Variants in TMPRSS15 observed in about 807,000 individuals in gnomAD.
TMPRSS15 encodes transmembrane serine protease 15.
Under a neutral mutation model 125.3 loss-of-function variants are expected in TMPRSS15, and 128 were observed. The observed-to-expected ratio is 1.02, with a 90% confidence interval of 0.89 to 1.18. The LOEUF (loss-of-function observed/expected upper bound fraction) is 1.18. TMPRSS15 is among the 50% of genes most tolerant of loss of function. The pLI is 0.00. For missense variants in TMPRSS15, 1,283 were observed against 1,212.7 expected (o/e 1.06, Z -0.86); for synonymous variants, 446 against 423.2 (o/e 1.05, Z -0.66).
At chr21:18,464,090 A>G (rs1257550492) in intron 1 of TMPRSS15, among the ~76,000 whole-genome samples, 3 of 148,848 alleles carry the variant, frequency 2.0e-5, no homozygotes, top group African/African-American at 5.0e-5. Context: ...GGAGAATGGC[A>G]TGAACCCGGG....
chr21:18,414,600 T>C (rs1403257258), intron 1 of TMPRSS15, among the ~76,000 whole-genome samples: 1 of 152,228 alleles, frequency 6.6e-6, no homozygotes, highest in Non-Finnish European at 1.5e-5. Context: ...ATTAGAATCA[T>C]GAATTATTTT....
intron 16 of TMPRSS15, among the ~76,000 whole-genome samples, chr21:18,319,540 T>G (rs905542051): frequency 6.6e-6 from 1 of 150,740 alleles, no homozygotes; most frequent in Non-Finnish European, 1.5e-5. Flanking sequence ...GTGATTCTCC[T>G]GCCTCAGCCT....
intron 16 of TMPRSS15, among the ~76,000 whole-genome samples, chr21:18,318,496 A>G (rs998452980): frequency 6.6e-6 from 1 of 152,226 alleles, no homozygotes; most frequent in African/African-American, 2.4e-5. Context: ...AGTGGAAACT[A>G]AAACAAAGAC....
At chr21:18,472,716 T>C (rs958589669) in intron 1 of TMPRSS15, among the ~76,000 whole-genome samples, 3 of 151,708 alleles carry the variant, frequency 2.0e-5, no homozygotes, top group African/African-American at 7.3e-5. Flanking sequence ...AATAATACAT[T>C]AAAATTTTAA....
chr21:18,297,891 A>T, intron 18 of TMPRSS15, 62 bp from the exon 19 acceptor site: 1 of 1,298,918 alleles, frequency 7.7e-7, no homozygotes, highest in South Asian at 1.2e-5. Context: ...ACCATAAGTT[A>T]GACTTTCAGT....
intron 18 of TMPRSS15, among the ~76,000 whole-genome samples, chr21:18,310,930 A>ATTCT (rs746931250): frequency 1.3e-4 from 12 of 91,918 alleles, no homozygotes; most frequent in African/African-American, 4.6e-4. Context: ...CAGCCCACTG[A>ATTCT]TTCTTTTTTT....
At chr21:18,297,226 A>G (rs17002539) in intron 19 of TMPRSS15, among the ~76,000 whole-genome samples, 3,968 of 152,304 alleles carry the variant, frequency 0.026, 157 homozygotes, top group African/African-American at 0.089. Flanking sequence ...ATCAAAAAGT[A>G]AAAGAGAATA....
intron 1 of TMPRSS15, among the ~76,000 whole-genome samples, chr21:18,448,094 C>A (rs1447347680): frequency 2.0e-5 from 3 of 152,184 alleles, no homozygotes; most frequent in East Asian, 3.9e-4. Flanking sequence ...ACCATATGAT[C>A]CAGTAATACC....
At chr21:18,459,393 C>A (rs542130648) in intron 1 of TMPRSS15, among the ~76,000 whole-genome samples, 75 of 152,132 alleles carry the variant, frequency 4.9e-4, no homozygotes, top group African/African-American at 4.8e-4. Context: ...CATGACTCAG[C>A]CTCTCGAGTA....
At chr21:18,310,933 C>CTTTCTT (rs1161961094) in intron 18 of TMPRSS15, among the ~76,000 whole-genome samples, 2 of 136,872 alleles carry the variant, frequency 1.5e-5, no homozygotes, top group African/African-American at 2.8e-5. Flanking sequence ...CCCACTGATT[C>CTTTCTT]TTTTTTTTTT....
intron 5 of TMPRSS15, among the ~76,000 whole-genome samples, chr21:18,372,665 A>G (rs2075803599): frequency 6.6e-6 from 1 of 152,210 alleles, no homozygotes. Flanking sequence ...AAAGTAAGAT[A>G]AGCACTTAAA....
At chr21:18,445,756 C>T (rs961242894) in intron 1 of TMPRSS15, among the ~76,000 whole-genome samples, 4 of 152,156 alleles carry the variant, frequency 2.6e-5, no homozygotes, top group Admixed American at 1.3e-4. Flanking sequence ...TAAAACCCAA[C>T]ATTCTTTTAT....
intron 8 of TMPRSS15, among the ~76,000 whole-genome samples, chr21:18,354,493 T>C (rs943516505): frequency 6.6e-6 from 1 of 151,780 alleles, no homozygotes; most frequent in Non-Finnish European, 1.5e-5. Flanking sequence ...TATGATGCTT[T>C]ACAAAATCAT....
intron 5 of TMPRSS15, among the ~76,000 whole-genome samples, chr21:18,378,988 T>A (rs1376695851): frequency 6.6e-6 from 1 of 152,114 alleles, no homozygotes; most frequent in Non-Finnish European, 1.5e-5. Flanking sequence ...GCTTCCTTAG[T>A]TGAAACCTTT....
At chr21:18,397,823 A>T in intron 3 of TMPRSS15, 56 bp downstream of exon 3, 1 of 1,007,402 alleles carries the variant, frequency 9.9e-7, no homozygotes, top group Non-Finnish European at 1.5e-6. Flanking sequence ...TTTTACAAAT[A>T]TTAGCAAAAA....
At chr21:18,442,198 A>AT (rs1257367446) in intron 1 of TMPRSS15, among the ~76,000 whole-genome samples, 1 of 152,078 alleles carries the variant, frequency 6.6e-6, no homozygotes, top group Non-Finnish European at 1.5e-5. Flanking sequence ...ATTTTGATTA[A>AT]TTTTATTTAA....
intron 1 of TMPRSS15, chr21:18,477,376 C>T (rs887384369): frequency 1.3e-5 from 2 of 152,020 alleles, no homozygotes; most frequent in Non-Finnish European, 2.9e-5. Flanking sequence ...TGCATTTTTT[C>T]GTGTGACTTG....
At chr21:18,368,495 G>T (rs1408373173) in intron 6 of TMPRSS15, among the ~76,000 whole-genome samples, 1 of 152,194 alleles carries the variant, frequency 6.6e-6, no homozygotes, top group African/African-American at 2.4e-5. Flanking sequence ...TCAGCTGGTT[G>T]TGAAGGATCC....
chr21:18,425,799 G>A (rs1223232276), intron 1 of TMPRSS15, among the ~76,000 whole-genome samples: 1 of 151,960 alleles, frequency 6.6e-6, no homozygotes, highest in Non-Finnish European at 1.5e-5. Flanking sequence ...ATTTTTCATG[G>A]ATATTTTGAT....
Sources: allele counts gnomAD v4.1 joint callset (sites outside exome capture counted in the v4.1 genomes callset), GRCh38; gene constraint gnomAD v4.1.1; transcripts MANE v1.5; gene names NCBI Gene and HGNC (gene_info 2026-07-23, HGNC 2026-07-21).